HBS1L: variants seen among roughly 807,000 people sequenced by gnomAD.
HBS1L encodes the protein HBS1 like translational GTPase.
Under a neutral mutation model 88.9 loss-of-function variants are expected in HBS1L, and 55 were observed. The observed-to-expected ratio is 0.62, with a 90% CI of 0.50 to 0.77. The LOEUF (loss-of-function observed/expected upper bound fraction) is 0.77, where lower values mean the gene tolerates loss of function less well. Among genes scored for constraint, HBS1L ranks in the 30% least tolerant of loss-of-function variants. The pLI is 0.00. For synonymous variants in HBS1L, 267 were observed against 288.5 expected (o/e 0.93, Z 0.76); for missense variants, 741 against 829.3 (o/e 0.89, Z 1.31).
chr6:134,965,181 A>G lies in HBS1L; in HGVS notation c.*98T>C, dbSNP rs1774275327. On this transcript the variant is annotated 3_prime_UTR_variant, in exon 18 of 18. Coordinates refer to ENST00000367837, the MANE Select transcript of HBS1L (RefSeq NM_006620.4). ...ATTTTTCTCTCTCATCTAAAAACAT[A>G]TCAATTGCACATTGTTCCTTTGACT... 1.0e-6 allele frequency: 1 copy of G among 976,136 alleles called. No homozygotes were observed. Among genetic ancestry groups the G allele is most frequent in the Non-Finnish European group, 1.6e-6 (1 of 609,018 alleles). The allele number at this position is 976,136 out of a possible 1,614,324, so 60.5% of individuals were successfully genotyped here.
Position 134,982,573 on chromosome 6 carries a change from T to C in HBS1L, c.1493-11A>G, listed in dbSNP as rs376029969. On this transcript the variant is annotated splice_polypyrimidine_tract_variant and intron_variant, in intron 12 of 17. Transcript: ENST00000367837. ...ATCCAGATCCTTGATCTGCAAAACA[T>C]ACCAAAATCTTATGGTTCATACAGC... 1.3e-6 allele frequency: 2 copies of C among 1,484,258 alleles called. No individual in the cohort carries two copies. The highest frequency in any genetic ancestry group is 1.1e-5 in the South Asian group (1 of 87,814). The allele number at this position is 1,484,258 out of a possible 1,614,324, so 91.9% of individuals were successfully genotyped here. A position where few individuals can be genotyped will look rare whatever the true frequency, so the allele number is the denominator to read the frequency against.
chr6:134,989,278 C>T (rs1293667287), intron 8 of HBS1L, among the ~76,000 whole-genome samples: 1 of 152,146 alleles, frequency 6.6e-6, no homozygotes, highest in Non-Finnish European at 1.5e-5. Context: ...TTCTCTTTTA[C>T]AGCTTTTGCT....
chr6:135,047,737 T>G (rs1217808288), intron 2 of HBS1L, among the ~76,000 whole-genome samples: 1 of 152,210 alleles, frequency 6.6e-6, no homozygotes, highest in Non-Finnish European at 1.5e-5. Flanking sequence ...TTTTTTTAAC[T>G]CAAATCTAAT....
chr6:135,025,488 TTC>T (rs1231827177), intron 4 of HBS1L, among the ~76,000 whole-genome samples: 1 of 112,404 alleles, frequency 8.9e-6, no homozygotes, highest in Non-Finnish European at 1.8e-5. Flanking sequence ...CTTTCACTGC[TTC>T]TGTTTTGCCT....
intron 4 of HBS1L, among the ~76,000 whole-genome samples, chr6:135,003,843 C>T (rs894488679): frequency 2.0e-5 from 3 of 151,686 alleles, no homozygotes; most frequent in Non-Finnish European, 4.4e-5. Context: ...CCAGCCTAGG[C>T]GACAGAGTGA....
At chr6:135,041,698 A>G (rs1359629082) in intron 3 of HBS1L, among the ~76,000 whole-genome samples, 1 of 152,194 alleles carries the variant, frequency 6.6e-6, no homozygotes, top group African/African-American at 2.4e-5. Flanking sequence ...CAATTAAATC[A>G]TCTGAAAAAG....
chr6:135,005,555 T>A (rs1317469261), intron 4 of HBS1L, among the ~76,000 whole-genome samples: 1 of 152,230 alleles, frequency 6.6e-6, no homozygotes, highest in Admixed American at 6.5e-5. Context: ...TTCATTTGTA[T>A]GAAAATGATT....
intron 7 of HBS1L, 74 bp from the exon 8 acceptor site, chr6:134,993,949 T>G (rs963367682): frequency 1.8e-6 from 1 of 562,896 alleles, no homozygotes. Context: ...ATAGTCTACA[T>G]GACCATCTAC....
In HBS1L at chr6:134,969,301, A is replaced by C; in HGVS notation, c.1835T>G (p.Val612Gly). ...TAAGACACTAATCAATCGTTTAATA[A>C]CGGCGGGTTCACTGACAGTTTGGTA... ...LHYQTVSEPA[V>G]IKRLISVLNK... Residue 612 changes from valine (V) to glycine (G), a missense_variant, in exon 16 of 18, where the codon GTT becomes GGT. Around this residue, in one of 3 missense-constraint regions of HBS1L, gnomAD observed 181 missense variants for 212.7 expected, o/e 0.85. Transcript: ENST00000367837. 1 of 1,613,766 alleles carries C rather than the reference A, an allele frequency of 6.2e-7. No homozygotes were observed.
chr6:135,036,580 T>C (rs1187048479), intron 4 of HBS1L: 3 of 1,497,978 alleles, frequency 2.0e-6, no homozygotes, highest in Non-Finnish European at 2.7e-6. Flanking sequence ...AAATGCTTTT[T>C]TTTGATTAGC....
rs1774163944 is a variant in HBS1L, at chr6:134,960,575, T to C, written c.*4704A>G. The C allele has an allele frequency of 6.6e-6, 1 of 152,174 alleles. No individual in the cohort carries two copies. Among genetic ancestry groups the C allele is most frequent in the Non-Finnish European group, 1.5e-5 (1 of 67,998 alleles). The allele number at this position is 152,174 out of a possible 1,614,324, so 9.4% of individuals were successfully genotyped here. A position where few individuals can be genotyped will look rare whatever the true frequency, so the allele number is the denominator to read the frequency against. On this transcript the variant is annotated 3_prime_UTR_variant, in exon 18 of 18. Coordinates refer to ENST00000367837, the MANE Select transcript of HBS1L (RefSeq NM_006620.4). ...ACTTGTTATTAATATGAAATTCTCT[T>C]AATTTTTTTTTACTTGCTTTAAATT...
At chr6:135,026,786 A>G (rs1301598191) in intron 4 of HBS1L, 1 of 152,120 alleles carries the variant, frequency 6.6e-6, no homozygotes, top group Non-Finnish European at 1.5e-5. Flanking sequence ...TTTATATATC[A>G]AATTTTACAG....
At chr6:134,999,259 G>C (rs1775377483) in intron 5 of HBS1L, among the ~76,000 whole-genome samples, 1 of 152,126 alleles carries the variant, frequency 6.6e-6, no homozygotes, top group Admixed American at 6.5e-5. Flanking sequence ...ATGGTGGACA[G>C]AGTGGGCAGG....
At chr6:135,009,056 T>C (rs957513101) in intron 4 of HBS1L, among the ~76,000 whole-genome samples, 11 of 152,160 alleles carry the variant, frequency 7.2e-5, no homozygotes, top group African/African-American at 2.4e-4. Flanking sequence ...AGATATAAAT[T>C]CTAGAAAGCC....
chr6:135,051,167 G>A (rs2114931572), intron 1 of HBS1L, among the ~76,000 whole-genome samples: 1 of 152,142 alleles, frequency 6.6e-6, no homozygotes, highest in Non-Finnish European at 1.5e-5. Flanking sequence ...CAAGGTTGCA[G>A]TGAGCCAAGA....
At chr6:134,994,689 A>G (rs989536528) in intron 7 of HBS1L, among the ~76,000 whole-genome samples, 6 of 152,144 alleles carry the variant, frequency 3.9e-5, no homozygotes, top group South Asian at 2.1e-4. Context: ...ACATGAGATC[A>G]GATGTAGAAT....
At chr6:134,996,499 G>T (rs919949910) in intron 7 of HBS1L, among the ~76,000 whole-genome samples, 7 of 152,130 alleles carry the variant, frequency 4.6e-5, no homozygotes, top group African/African-American at 1.7e-4. Flanking sequence ...TTATCCCATA[G>T]AATAATCAGC....
At chr6:135,037,818 T>C (rs376861001) in intron 4 of HBS1L, 23 of 1,547,016 alleles carry the variant, frequency 1.5e-5, no homozygotes, top group Non-Finnish European at 2.0e-5. Context: ...TACATGATTC[T>C]AGTTTCTTTT....
intron 4 of HBS1L, among the ~76,000 whole-genome samples, chr6:135,022,846 CAT>C (rs1240100576): frequency 6.7e-6 from 1 of 150,178 alleles, no homozygotes; most frequent in Non-Finnish European, 1.5e-5. Context: ...TTCTTTGTAA[CAT>C]AAACTTTTCA....
Sources: allele counts gnomAD v4.1 joint callset (sites outside exome capture counted in the v4.1 genomes callset), GRCh38; gene constraint gnomAD v4.1.1; regional missense constraint gnomAD v4.1.1; transcripts MANE v1.5; gene names NCBI Gene and HGNC (gene_info 2026-07-23, HGNC 2026-07-21).